Variants in GNA15 observed in about 807,000 individuals in gnomAD.
GNA15 encodes guanine nucleotide-binding protein subunit alpha-15.
GNA15 carries 23 observed loss-of-function variants against 40.1 expected under a neutral mutation model. The observed-to-expected ratio is 0.57, with a 90% CI of 0.41 to 0.81. GNA15 has a LOEUF of 0.81. Ranked by LOEUF, GNA15 falls within the 40% of genes least tolerant of loss-of-function variation. The probability of loss-of-function intolerance (pLI) is 0.00; values close to 1 mark genes in which losing one functional copy is unlikely to be tolerated. For missense variants in GNA15, 522 were observed against 515.8 expected (o/e 1.01, Z -0.12); for synonymous variants, 226 against 210.4 (o/e 1.07, Z -0.64).
chr19:3,152,994 T>C (rs1396197606), intron 4 of GNA15, among the ~76,000 whole-genome samples: 1 of 152,024 alleles, frequency 6.6e-6, no homozygotes, highest in East Asian at 1.9e-4. Flanking sequence ...GTTGGAAAGA[T>C]GGAATGGGGG....
chr19:3,138,947 T>C (rs1043378685), intron 1 of GNA15, among the ~76,000 whole-genome samples: 22 of 143,452 alleles, frequency 1.5e-4, no homozygotes, highest in African/African-American at 5.7e-4. Context: ...CTCTTTTTTT[T>C]TTTTTTTCTT....
rs555715074 is a variant in GNA15 at position 3,155,674 on chromosome 19, C to T, written c.615-149C>T. 3 of 872,564 alleles carry T rather than the reference C, an allele frequency of 3.4e-6. No homozygotes were observed. The highest frequency in any genetic ancestry group is 2.5e-5 in the East Asian group (1 of 39,528). 54.1% of individuals were successfully genotyped at this position (872,564 alleles called of 1,614,324 possible). A position where few individuals can be genotyped will look rare whatever the true frequency, so the allele number is the denominator to read the frequency against. ...GGGCGTAAGACTCATCCTTGCCTCG[C>T]GGGAATGACATGGCAAATCCACGAG... On this transcript the variant is annotated intron_variant, in intron 4 of 6. Transcript: ENST00000262958. This position sits in a 1 kb window ranked among gnomAD's most constrained non-coding sequence, Gnocchi z 5.6.
chr19:3,154,862 T>C (rs1244901124), intron 4 of GNA15, among the ~76,000 whole-genome samples: 1 of 151,800 alleles, frequency 6.6e-6, no homozygotes, highest in East Asian at 1.9e-4. Context: ...GGAAGTGATT[T>C]TTAGGTGTGG....
chr19:3,150,063 A>G, intron 2 of GNA15, 68 bp from the exon 3 acceptor site: 2 of 1,394,646 alleles, frequency 1.4e-6, no homozygotes, highest in Admixed American at 3.8e-5. Flanking sequence ...GGGGGCTTGC[A>G]GAGATGCCTG....
In GNA15 at chr19:3,136,079, G is replaced by A. The variant is rs960952948; in HGVS notation, c.-372G>A. ...GCTGGTCACACAGGACCCAGTCTGC[G>A]GTGGGGGTTTTCCCGCCACCGCCCC... On this transcript the variant is annotated 5_prime_UTR_variant, in exon 1 of 7. Transcript: ENST00000262958. This position sits in a 1 kb window ranked among gnomAD's most constrained non-coding sequence, Gnocchi z 4.9. 13 of 183,196 alleles carry A rather than the reference G, an allele frequency of 7.1e-5. No individual in the cohort carries two copies. The highest frequency in any genetic ancestry group is 2.3e-3 in the Middle Eastern group (1 of 440). 11.3% of individuals were successfully genotyped at this position (183,196 alleles called of 1,614,324 possible). A position where few individuals can be genotyped will look rare whatever the true frequency, so the allele number is the denominator to read the frequency against.
intron 5 of GNA15, among the ~76,000 whole-genome samples, chr19:3,156,474 A>G (rs1246178177): frequency 6.6e-6 from 1 of 151,666 alleles, no homozygotes; most frequent in Admixed American, 6.6e-5. Context: ...ACAGGCACAC[A>G]CACGCACACA....
intron 1 of GNA15, among the ~76,000 whole-genome samples, chr19:3,140,486 C>G (rs964843622): frequency 1.3e-5 from 2 of 152,120 alleles, no homozygotes; most frequent in African/African-American, 4.8e-5. Context: ...AGGTCTCAAC[C>G]CAAGTGTCGC....
intron 2 of GNA15, chr19:3,149,927 T>C: frequency 1.9e-6 from 1 of 529,824 alleles, no homozygotes; most frequent in Non-Finnish European, 3.3e-6. Context: ...TGTGGTGGTC[T>C]GTGCTTTTCC....
At chr19:3,137,768 G>C (rs954211362) in intron 1 of GNA15, among the ~76,000 whole-genome samples, 2 of 150,756 alleles carry the variant, frequency 1.3e-5, no homozygotes, top group Admixed American at 6.6e-5. Flanking sequence ...GCGACAGAGT[G>C]AGACGCCATC....
At chr19:3,139,281 C>G (rs903590664) in intron 1 of GNA15, among the ~76,000 whole-genome samples, 3 of 152,022 alleles carry the variant, frequency 2.0e-5, no homozygotes, top group African/African-American at 7.2e-5. Context: ...ATCCCTCTTA[C>G]TGAACGAGAT....
Position 3,155,812 on chromosome 19 carries a change from G to T in GNA15, c.615-11G>T, listed in dbSNP as rs750959210. 1 of 1,611,720 alleles carries T rather than the reference G, an allele frequency of 6.2e-7. No individual in the cohort carries two copies. The highest frequency in any genetic ancestry group is 8.5e-7 in the Non-Finnish European group (1 of 1,179,488). On this transcript the variant is annotated splice_polypyrimidine_tract_variant and intron_variant, in intron 4 of 6. Coordinates refer to ENST00000262958, the MANE Select transcript of GNA15 (RefSeq NM_002068.4). The surrounding 1 kb of genome is among the most constrained non-coding windows in gnomAD (Gnocchi z 5.6). Reference sequence around the variant, plus strand: ...CTGAGCTCTGAAAGGGGGCACCTCGGTTCCCTGTAGGATCGTGGACGTCGG... The same window carrying T: ...CTGAGCTCTGAAAGGGGGCACCTCGTTTCCCTGTAGGATCGTGGACGTCGG...
chr19:3,156,263 A>G (rs1215472092), intron 5 of GNA15, among the ~76,000 whole-genome samples: 1 of 151,672 alleles, frequency 6.6e-6, no homozygotes, highest in Non-Finnish European at 1.5e-5. Context: ...ACACGTGCAT[A>G]ATACATGCAC....
chr19:3,155,855 G>T lies in GNA15; in HGVS notation c.647G>T (p.Arg216Leu). 6.2e-7 allele frequency: 1 copy of T among 1,613,916 alleles called. No individual in the cohort carries two copies. The highest frequency in any genetic ancestry group is 8.5e-7 in the Non-Finnish European group (1 of 1,179,972). The change falls in exon 5 of 7, where the codon CGT (arginine) becomes CTT (leucine). Residue 216 changes from arginine to leucine, a missense_variant. Arg to Leu is a moderately radical substitution (Grantham distance 102). Transcript: ENST00000262958. The surrounding 1 kb of genome is among the most constrained non-coding windows in gnomAD (Gnocchi z 5.6). ...GACGTCGGGGGCCAGAAGTCAGAGC[G>T]TAAGAAATGGATCCATTGTTTCGAG... ...IVDVGGQKSERKKWIHCFENV... is the reference protein window; with the variant it reads ...IVDVGGQKSELKKWIHCFENV...
chr19:3,156,452 G>A (rs1420169016), intron 5 of GNA15, among the ~76,000 whole-genome samples: 1 of 147,160 alleles, frequency 6.8e-6, no homozygotes, highest in Non-Finnish European at 1.5e-5. Context: ...GTACACACAT[G>A]CACACGCACA....
chr19:3,150,608 C>T (rs1914857327), intron 3 of GNA15, among the ~76,000 whole-genome samples: 2 of 152,032 alleles, frequency 1.3e-5, no homozygotes, highest in Admixed American at 1.3e-4. Flanking sequence ...GACTCTGTTC[C>T]TGAGGGAATC....
intron 1 of GNA15, among the ~76,000 whole-genome samples, chr19:3,138,504 G>A (rs1012615459): frequency 3.3e-5 from 5 of 152,232 alleles, no homozygotes; most frequent in African/African-American, 1.2e-4. Context: ...GGTTGCTATC[G>A]TCCTTTCCTC....
rs546996700 is a variant in GNA15 at position 3,144,567 on chromosome 19, C to T, written c.146-4024C>T. 2.2e-4 allele frequency among the ~76,000 whole-genome samples: 34 copies of T among 152,070 alleles called. No homozygotes were observed. The East Asian group carries it at 5.2e-3, about 23-fold the overall frequency. On this transcript the variant is annotated intron_variant, in intron 1 of 6. Coordinates refer to ENST00000262958, the MANE Select transcript of GNA15 (RefSeq NM_002068.4). Reference sequence around the variant, plus strand: ...TTTTTGAGTCGGAGTCTCGCTCTGTCACCCAGGCTGGAGTGCAGTGGCATG... The same window carrying T: ...TTTTTGAGTCGGAGTCTCGCTCTGTTACCCAGGCTGGAGTGCAGTGGCATG...
At chr19:3,142,867 A>G (rs1156937076) in intron 1 of GNA15, among the ~76,000 whole-genome samples, 1 of 151,978 alleles carries the variant, frequency 6.6e-6, no homozygotes, top group Admixed American at 6.6e-5. Flanking sequence ...GCCAGACTCT[A>G]TATCAAAAAA....
In GNA15 at chr19:3,155,685, T is replaced by C. The variant is rs1914995106; in HGVS notation, c.615-138T>C. ...TCATCCTTGCCTCGCGGGAATGACA[T>C]GGCAAATCCACGAGAGGCTAGCACC... is the stretch of plus-strand genomic sequence containing the variant. On this transcript the variant is annotated intron_variant, in intron 4 of 6. Transcript: ENST00000262958. This position sits in a 1 kb window ranked among gnomAD's most constrained non-coding sequence, Gnocchi z 5.6. The C allele has an allele frequency of 4.1e-6, 4 of 970,324 alleles. No homozygotes were observed. In the Admixed American group the frequency reaches 9.3e-5, roughly 23 times the overall value. 60.1% of individuals were successfully genotyped at this position (970,324 alleles called of 1,614,324 possible).
Sources: allele counts gnomAD v4.1 joint callset (sites outside exome capture counted in the v4.1 genomes callset), GRCh38; gene constraint gnomAD v4.1.1; non-coding constraint Gnocchi (gnomAD v3.1); transcripts MANE v1.5; gene names NCBI Gene and HGNC (gene_info 2026-07-23, HGNC 2026-07-21).